Variants in GALNTL6 observed in about 807,000 individuals in gnomAD.
GALNTL6 encodes polypeptide N-acetylgalactosaminyltransferase like 6, also known as polypeptide N-acetylgalactosaminyltransferase-like 6.
In GALNTL6, 46 loss-of-function variants were observed where a neutral mutation model predicts 73.7. The observed-to-expected ratio is 0.62, with a 90% confidence interval of 0.49 to 0.80. GALNTL6 has a LOEUF of 0.80. Among genes scored for constraint, GALNTL6 ranks in the 30% least tolerant of loss-of-function variants. The pLI, the probability that GALNTL6 is intolerant of heterozygous loss-of-function variation, is 0.00. For synonymous variants in GALNTL6, 259 were observed against 263.7 expected (o/e 0.98, Z 0.17); for missense variants, 604 against 755.0 (o/e 0.80, Z 2.34).
chr4:172,094,668 G>A (rs542489810), intron 2 of GALNTL6, among the ~76,000 whole-genome samples: 1 of 152,012 alleles, frequency 6.6e-6, no homozygotes, highest in Middle Eastern at 3.4e-3. Context: ...TTTGAACCAT[G>A]GTTTATTTGT....
intron 5 of GALNTL6, among the ~76,000 whole-genome samples, chr4:172,606,643 A>ATATATAGTATATATATAG: frequency 2.8e-5 from 1 of 35,782 alleles, no homozygotes; most frequent in African/African-American, 6.3e-5. Context: ...TATATATACT[A>ATATATAGTATATATATAG]TATATATAGT....
intron 5 of GALNTL6, among the ~76,000 whole-genome samples, chr4:172,744,068 T>A (rs1443315239): frequency 1.3e-5 from 2 of 152,138 alleles, no homozygotes; most frequent in Non-Finnish European, 2.9e-5. Context: ...ATCATGATCC[T>A]GAATTCACAG....
At chr4:172,610,125 T>G (rs556248434) in intron 5 of GALNTL6, among the ~76,000 whole-genome samples, 1 of 152,144 alleles carries the variant, frequency 6.6e-6, no homozygotes, top group South Asian at 2.1e-4. Flanking sequence ...ATTCTATTAA[T>G]TTTTTCAAAA....
chr4:172,897,084 C>A (rs753366999), intron 8 of GALNTL6, among the ~76,000 whole-genome samples: 34 of 152,330 alleles, frequency 2.2e-4, no homozygotes, highest in Non-Finnish European at 4.6e-4. Context: ...CATCTCCCAG[C>A]AGGTCTCAGC....
At position 172,875,124 on chromosome 4, in the gene GALNTL6, T is replaced by A. The variant is rs141563456; in HGVS notation, c.924-7666T>A. 2.9e-3 allele frequency among the ~76,000 whole-genome samples: 444 copies of A among 152,288 alleles called. 2 individuals are homozygous for A. The highest frequency in any genetic ancestry group is 0.01 in the African/African-American group (428 of 41,558). On this transcript the variant is annotated intron_variant, in intron 7 of 12. Transcript: ENST00000506823. ...CTCTCAGAAAACCAGGAAAATCCAA[T>A]GGGCAAAACACTGAAGCGCTGCTAT...
intron 5 of GALNTL6, among the ~76,000 whole-genome samples, chr4:172,596,889 A>G (rs1377384390): frequency 6.6e-6 from 1 of 152,186 alleles, no homozygotes; most frequent in Non-Finnish European, 1.5e-5. Context: ...CACTTGAGTA[A>G]TTCTAGACAA....
chr4:172,817,672 T>C (rs1741683508), intron 7 of GALNTL6, among the ~76,000 whole-genome samples: 1 of 152,202 alleles, frequency 6.6e-6, no homozygotes, highest in South Asian at 2.1e-4. Context: ...AAGAGAAAGA[T>C]GTTCATTTGC....
chr4:172,386,868 C>T (rs750169547), intron 5 of GALNTL6, among the ~76,000 whole-genome samples: 2 of 152,160 alleles, frequency 1.3e-5, no homozygotes, highest in Non-Finnish European at 2.9e-5. Flanking sequence ...CCTACCAACT[C>T]AAAGGCCAAT....
At chr4:172,770,594 T>G (rs748165180) in intron 5 of GALNTL6, among the ~76,000 whole-genome samples, 1 of 152,284 alleles carries the variant, frequency 6.6e-6, no homozygotes, top group South Asian at 2.1e-4. Flanking sequence ...ATCAGTAAAA[T>G]TTTTCATTTT....
chr4:172,134,092 T>C (rs907260187), intron 2 of GALNTL6, among the ~76,000 whole-genome samples: 3 of 151,980 alleles, frequency 2.0e-5, no homozygotes, highest in African/African-American at 7.2e-5. Context: ...TGGATTAAGA[T>C]AGTAACAGTG....
At position 172,087,239 on chromosome 4, in the gene GALNTL6, T is replaced by C. The variant is rs1017530535; in HGVS notation, c.139-142417T>C. Among the ~76,000 whole-genome samples, 11 of 151,832 alleles carry C rather than the reference T, an allele frequency of 7.2e-5. No homozygotes were observed. In the South Asian group the frequency reaches 1.9e-3, roughly 26 times the overall value. Reference sequence around the variant, plus strand: ...CAGGCGGCTCACGAGGTCAGGAGATTGAGACCATCCTGGCTAACAAGGTGA... The same window carrying C: ...CAGGCGGCTCACGAGGTCAGGAGATCGAGACCATCCTGGCTAACAAGGTGA... On this transcript the variant is annotated intron_variant, in intron 2 of 12. Coordinates refer to ENST00000506823, the MANE Select transcript of GALNTL6 (RefSeq NM_001034845.3).
intron 5 of GALNTL6, among the ~76,000 whole-genome samples, chr4:172,379,340 C>G (rs1743172073): frequency 6.6e-6 from 1 of 151,892 alleles, no homozygotes; most frequent in East Asian, 1.9e-4. Flanking sequence ...ACCATCCTGG[C>G]TAACAAGGTG....
intron 5 of GALNTL6, among the ~76,000 whole-genome samples, chr4:172,702,218 A>G (rs1260537836): frequency 3.9e-5 from 6 of 152,048 alleles, no homozygotes; most frequent in Non-Finnish European, 8.8e-5. Flanking sequence ...TAGCAAATAC[A>G]TACACACGAA....
intron 9 of GALNTL6, among the ~76,000 whole-genome samples, chr4:172,941,580 A>T (rs1428447036): frequency 6.6e-6 from 1 of 152,132 alleles, no homozygotes; most frequent in Non-Finnish European, 1.5e-5. Context: ...GACTAGAGAG[A>T]ATTTTAATTG....
chr4:172,250,413 T>C (rs1737818407), intron 3 of GALNTL6, among the ~76,000 whole-genome samples: 1 of 152,156 alleles, frequency 6.6e-6, no homozygotes, highest in African/African-American at 2.4e-5. Flanking sequence ...GGGGGACTGT[T>C]GAAAAGGCAC....
chr4:172,160,508 A>G (rs1443532751), intron 2 of GALNTL6, among the ~76,000 whole-genome samples: 13 of 152,180 alleles, frequency 8.5e-5, no homozygotes, highest in African/African-American at 3.1e-4. Context: ...AGAAATGTGT[A>G]TAATAGTTAT....
At chr4:172,374,250 C>G (rs1299187630) in intron 5 of GALNTL6, among the ~76,000 whole-genome samples, 1 of 152,196 alleles carries the variant, frequency 6.6e-6, no homozygotes, top group Non-Finnish European at 1.5e-5. Flanking sequence ...TGTCTGAGGG[C>G]CATGACTAAG....
intron 2 of GALNTL6, among the ~76,000 whole-genome samples, chr4:171,963,068 C>CT (rs35330466): frequency 0.028 from 4,042 of 143,428 alleles, 73 homozygotes; most frequent in South Asian, 0.058. Context: ...GCCCAACCTA[C>CT]TTTTTTTTTT....
At position 172,955,371 on chromosome 4, in the gene GALNTL6, G is replaced by A. The variant is rs544345371; in HGVS notation, c.1371+3113G>A. On this transcript the variant is annotated intron_variant, in intron 10 of 12. Transcript: ENST00000506823. ...CATGTGCCTGTAATCCCAGCTACTC[G>A]GGAGGCTGAGGTAGGAGAATCGCTT... 1.6e-4 allele frequency among the ~76,000 whole-genome samples: 24 copies of A among 152,032 alleles called. No homozygotes were observed. The South Asian group carries it at 4.0e-3, about 25-fold the overall frequency.
Sources: gnomAD v4.1 joint callset for allele counts (sites outside exome capture counted in the v4.1 genomes callset) on GRCh38, gnomAD v4.1.1 for gene constraint, MANE v1.5 for transcripts, NCBI Gene and HGNC (gene_info 2026-07-23, HGNC 2026-07-21) for gene names.